The following FGGY variants were observed in gnomAD, a reference collection of about 807,000 sequenced individuals.
FGGY encodes FGGY carbohydrate kinase domain containing, also known as FGGY carbohydrate kinase domain-containing protein.
Under a neutral mutation model 71.3 loss-of-function variants are expected in FGGY, and 72 were observed. The ratio of observed to expected loss-of-function variants is 1.01; its 90% CI spans 0.84 to 1.23. The LOEUF is 1.23. Ranked by LOEUF, FGGY falls within the 50% of genes most tolerant of loss-of-function variation. The pLI is 0.00. For missense variants in FGGY, 668 were observed against 682.3 expected (o/e 0.98, Z 0.23); for synonymous variants, 251 against 250.3 (o/e 1.00, Z -0.02).
chr1:59,535,472 C>A (rs1415505418), intron 7 of FGGY, among the ~76,000 whole-genome samples: 2 of 152,110 alleles, frequency 1.3e-5, no homozygotes, highest in African/African-American at 2.4e-5. Flanking sequence ...CAGCTCTGCA[C>A]CAAGGAGACC....
chr1:59,657,045 G>T (rs770201814), intron 11 of FGGY, among the ~76,000 whole-genome samples: 1 of 152,166 alleles, frequency 6.6e-6, no homozygotes, highest in South Asian at 2.1e-4. Context: ...GGAAATTCTC[G>T]TGGATATCTG....
intron 9 of FGGY, among the ~76,000 whole-genome samples, chr1:59,617,101 T>TATGCA (rs2096763315): frequency 6.6e-6 from 1 of 152,170 alleles, no homozygotes; most frequent in Admixed American, 6.6e-5. Context: ...CCCGCTTGCA[T>TATGCA]ATGCACATCT....
chr1:59,481,779 A>G (rs1267811076), intron 6 of FGGY, among the ~76,000 whole-genome samples: 10 of 152,176 alleles, frequency 6.6e-5, no homozygotes, highest in Non-Finnish European at 1.5e-4. Flanking sequence ...GATTAAACTG[A>G]ACAGATTTCT....
chr1:59,671,196 A>C (rs1260648065), intron 13 of FGGY, among the ~76,000 whole-genome samples: 2 of 152,194 alleles, frequency 1.3e-5, no homozygotes, highest in East Asian at 3.8e-4. Context: ...GAGTGAGTAG[A>C]GTGGGGACCC....
At chr1:59,637,155 TG>T (rs1260150011) in intron 10 of FGGY, among the ~76,000 whole-genome samples, 3 of 152,214 alleles carry the variant, frequency 2.0e-5, no homozygotes, top group Admixed American at 6.5e-5. Flanking sequence ...GTGGGAAAAT[TG>T]GAGGTCAGAG....
rs147949902 is a variant in FGGY at position 59,626,029 on chromosome 1, A to G, written c.1053A>G (p.Leu351=). ...AAGGCCATGCTGCTTTTCCAGAACT[A>G]CAAGTAAAGGCCACAGCCAGGTAAC... ...MVQGHAAFPE[L]QVKATARCQS... is the part of the protein sequence containing the mutation. Residue 351 remains leucine (L), a synonymous_variant, in exon 10 of 16, where the codon CTA becomes CTG. Coordinates refer to ENST00000303721, the MANE Select transcript of FGGY (RefSeq NM_018291.5). 327 of 1,613,420 alleles carry G rather than the reference A, an allele frequency of 2.0e-4. 1 individual carries two copies. The highest frequency in any genetic ancestry group is 2.5e-4 in the Non-Finnish European group (291 of 1,179,682).
intron 4 of FGGY, among the ~76,000 whole-genome samples, chr1:59,369,673 C>A (rs1037009377): frequency 3.9e-5 from 6 of 152,290 alleles, no homozygotes; most frequent in African/African-American, 1.2e-4. Flanking sequence ...CCAGTAGGGG[C>A]AGACTGACAC....
At chr1:59,319,790 C>G in intron 1 of FGGY, among the ~76,000 whole-genome samples, 1 of 152,140 alleles carries the variant, frequency 6.6e-6, no homozygotes, top group East Asian at 1.9e-4. Context: ...TGTGAGATCC[C>G]GTGCTGAGGC....
At chr1:59,578,933 A>G (rs2096134245) in intron 8 of FGGY, among the ~76,000 whole-genome samples, 1 of 152,098 alleles carries the variant, frequency 6.6e-6, no homozygotes, top group Admixed American at 6.5e-5. Flanking sequence ...CCTTGACCTT[A>G]TATTTCGCCC....
intron 12 of FGGY, among the ~76,000 whole-genome samples, chr1:59,665,205 G>A (rs895440956): frequency 2.0e-5 from 3 of 152,028 alleles, no homozygotes; most frequent in Non-Finnish European, 4.4e-5. Context: ...GTAGGTTTTG[G>A]CATATTCTCA....
At chr1:59,427,238 G>A (rs749521902) in intron 5 of FGGY, among the ~76,000 whole-genome samples, 4 of 152,162 alleles carry the variant, frequency 2.6e-5, no homozygotes, top group East Asian at 1.9e-4. Flanking sequence ...AAGAGAAGGC[G>A]CCTCCCTGTC....
intron 14 of FGGY, among the ~76,000 whole-genome samples, chr1:59,716,177 G>A (rs1195324185): frequency 6.6e-6 from 1 of 152,198 alleles, no homozygotes; most frequent in Non-Finnish European, 1.5e-5. Flanking sequence ...TCCAGAACTT[G>A]TGTTAGTCAC....
intron 14 of FGGY, 151 bp downstream of exon 14, chr1:59,674,284 C>G (rs2097413594): frequency 9.3e-6 from 5 of 539,790 alleles, no homozygotes; most frequent in African/African-American, 1.9e-5. Flanking sequence ...CTTCTAGCCT[C>G]AGACATATTT....
intron 10 of FGGY, 72 bp downstream of exon 10, chr1:59,626,121 T>A: frequency 7.6e-7 from 1 of 1,310,156 alleles, no homozygotes; most frequent in Admixed American, 1.8e-5. Context: ...GTTGGGCAGT[T>A]GGGTGATTTT....
rs71046332 is a variant in FGGY, at chr1:59,503,594, C to CATAT, written c.671-8695_671-8692dup. 6.8e-3 allele frequency among the ~76,000 whole-genome samples: 867 copies of CATAT among 127,672 alleles called. 23 individuals are homozygous for CATAT. The highest frequency in any genetic ancestry group is 0.052 in the East Asian group (236 of 4,538). 83.8% of individuals were successfully genotyped at this position (127,672 alleles called of 152,430 possible). The stretch of plus-strand genomic sequence containing the variant: ...TACGCATTGGCTTTTGTGGTGTCGC[C>CATAT]ATATATATATATATATATATATATA... On this transcript the variant is annotated intron_variant, in intron 6 of 15. Coordinates refer to ENST00000303721, the MANE Select transcript of FGGY (RefSeq NM_018291.5).
chr1:59,344,756 A>G (rs1267359162), intron 3 of FGGY, among the ~76,000 whole-genome samples: 1 of 152,186 alleles, frequency 6.6e-6, no homozygotes, highest in African/African-American at 2.4e-5. Flanking sequence ...TACTTGTTAT[A>G]CTATATTGTT....
chr1:59,706,762 A>T (rs1056466146), intron 14 of FGGY, among the ~76,000 whole-genome samples: 6 of 152,196 alleles, frequency 3.9e-5, no homozygotes, highest in Non-Finnish European at 8.8e-5. Flanking sequence ...TAGCCCTGTG[A>T]CCTTAGACCT....
intron 13 of FGGY, among the ~76,000 whole-genome samples, 180 bp downstream of exon 13, chr1:59,667,583 A>T (rs1038440669): frequency 6.6e-6 from 1 of 152,350 alleles, no homozygotes; most frequent in African/African-American, 2.4e-5. Flanking sequence ...TATATGCATG[A>T]TGGAGAAAGT....
At chr1:59,653,496 G>A (rs1305147517) in intron 11 of FGGY, among the ~76,000 whole-genome samples, 1 of 152,138 alleles carries the variant, frequency 6.6e-6, no homozygotes, top group East Asian at 1.9e-4. Context: ...GCAATATTCG[G>A]GTGGGAGTGA....
Sources: gnomAD v4.1 joint callset for allele counts (sites outside exome capture counted in the v4.1 genomes callset) on GRCh38, gnomAD v4.1.1 for gene constraint, MANE v1.5 for transcripts, NCBI Gene and HGNC (gene_info 2026-07-23, HGNC 2026-07-21) for gene names.